The following CNGA3 variants were observed in gnomAD, a reference collection of about 807,000 sequenced individuals.
CNGA3 encodes the protein cyclic nucleotide gated channel subunit alpha 3, also known as cyclic nucleotide-gated channel alpha-3.
In CNGA3, 42 loss-of-function variants were observed where a neutral mutation model predicts 46.6. The ratio of observed to expected loss-of-function variants is 0.90; its 90% confidence interval spans 0.70 to 1.17. CNGA3 has a LOEUF of 1.17. CNGA3 is among the 50% of genes most tolerant of loss of function. CNGA3 has a pLI of 0.00. For missense variants in CNGA3, 893 were observed against 890.7 expected (o/e 1.00, Z -0.03); for synonymous variants, 394 against 369.4 (o/e 1.07, Z -0.76).
intron 1 of CNGA3, among the ~76,000 whole-genome samples, chr2:98,363,288 T>C (rs1198459563): frequency 6.6e-6 from 1 of 152,258 alleles, no homozygotes; most frequent in East Asian, 1.9e-4. Flanking sequence ...TCCATGAGCA[T>C]GGAATGCTTT....
At position 98,383,437 on chromosome 2, in the gene CNGA3, G is replaced by A; in HGVS notation, c.445G>A (p.Glu149Lys). Residue 149 changes from glutamate (E) to lysine (K), a missense_variant, in exon 5 of 8, where the codon GAG (glutamate) becomes AAG (lysine). Physicochemically the swap from Glu to Lys is moderately conservative, Grantham distance 56. Coordinates refer to ENST00000272602, the MANE Select transcript of CNGA3 (RefSeq NM_001298.3). ...CACTAACACCAGCAACAACACGGAGGAGGAGTAAGTACCCACACACCCAGC... is the reference window on the plus strand; with the variant it reads ...CACTAACACCAGCAACAACACGGAGAAGGAGTAAGTACCCACACACCCAGC... ...CNTNTSNNTE[E>K]EKKTKKKDAI... 6.2e-6 allele frequency: 10 copies of A among 1,614,132 alleles called. No individual in the cohort carries two copies. Among genetic ancestry groups the A allele is most frequent in the Non-Finnish European group, 8.5e-6 (10 of 1,180,030 alleles).
chr2:98,378,143 T>C (rs1233528818), intron 3 of CNGA3: 2 of 1,550,690 alleles, frequency 1.3e-6, no homozygotes, highest in Middle Eastern at 1.7e-4. Flanking sequence ...GTGGACACAG[T>C]GGTGTGCTGA....
intron 1 of CNGA3, among the ~76,000 whole-genome samples, chr2:98,366,261 G>A (rs1005460900): frequency 5.9e-5 from 9 of 152,174 alleles, no homozygotes; most frequent in Admixed American, 5.2e-4. Flanking sequence ...AAAGATGGCT[G>A]CCTGCTCCTT....
At chr2:98,357,039 T>G (rs1461735688) in intron 1 of CNGA3, among the ~76,000 whole-genome samples, 1 of 152,248 alleles carries the variant, frequency 6.6e-6, no homozygotes. Flanking sequence ...AGTGTCGTCA[T>G]GATGATTCCT....
chr2:98,380,087 GGAGA>G, intron 3 of CNGA3, 84 bp from the exon 4 acceptor site: 1 of 1,446,128 alleles, frequency 6.9e-7, no homozygotes, highest in Non-Finnish European at 9.6e-7. Context: ...AGAGAGGGAG[GGAGA>G]AAGAGAGAGA....
At chr2:98,353,465 A>G (rs1179786248) in intron 1 of CNGA3, among the ~76,000 whole-genome samples, 1 of 152,206 alleles carries the variant, frequency 6.6e-6, no homozygotes, top group East Asian at 1.9e-4. Flanking sequence ...GAATGGAAGG[A>G]CCTTTTATAG....
At chr2:98,358,769 GTT>G (rs1691950099) in intron 1 of CNGA3, among the ~76,000 whole-genome samples, 1 of 114,104 alleles carries the variant, frequency 8.8e-6, no homozygotes, top group Non-Finnish European at 2.3e-5. Context: ...GATCTTCTGA[GTT>G]ATCTTAAACT....
At chr2:98,358,256 T>G (rs1264819192) in intron 1 of CNGA3, among the ~76,000 whole-genome samples, 1 of 152,264 alleles carries the variant, frequency 6.6e-6, no homozygotes, top group African/African-American at 2.4e-5. Flanking sequence ...TTATTCGGCC[T>G]TTCCTATAGG....
intron 1 of CNGA3, among the ~76,000 whole-genome samples, chr2:98,353,266 A>G (rs1691808198): frequency 7.0e-6 from 1 of 142,548 alleles, no homozygotes; most frequent in Non-Finnish European, 1.6e-5. Context: ...TTCCATGGAG[A>G]ACCCTAACAC....
intron 2 of CNGA3, among the ~76,000 whole-genome samples, chr2:98,372,871 G>A (rs2104183529): frequency 6.6e-6 from 1 of 152,202 alleles, no homozygotes; most frequent in South Asian, 2.1e-4. Flanking sequence ...GTTTCAGCCT[G>A]ACCACCAGCC....
intron 4 of CNGA3, among the ~76,000 whole-genome samples, chr2:98,380,771 G>T (rs1240882782): frequency 6.6e-6 from 1 of 152,184 alleles, no homozygotes; most frequent in African/African-American, 2.4e-5. Flanking sequence ...GGAGCCTTGG[G>T]GGGGTGTCTA....
intron 6 of CNGA3, among the ~76,000 whole-genome samples, chr2:98,390,849 C>T (rs1692768590): frequency 6.6e-6 from 1 of 152,182 alleles, no homozygotes; most frequent in Admixed American, 6.5e-5. Flanking sequence ...TAGGGGACTT[C>T]CCAAGCAAGT....
chr2:98,351,761 C>G (rs1691775329), intron 1 of CNGA3, among the ~76,000 whole-genome samples: 2 of 152,018 alleles, frequency 1.3e-5, no homozygotes, highest in Non-Finnish European at 2.9e-5. Flanking sequence ...GGCATTTCTC[C>G]CCTTTATTAT....
rs12463616 is a variant in CNGA3 at position 98,360,316 on chromosome 2, A to G, written c.-37-9623A>G. On this transcript the variant is annotated intron_variant, in intron 1 of 7. Transcript: ENST00000272602. ...ATGGGAGGACAGAGGTACTGCCTCC[A>G]TGCAATGGCAGTGGGACCAGAGTTT... 1.3e-5 allele frequency among the ~76,000 whole-genome samples: 2 copies of G among 152,124 alleles called. 1 individual carries two copies. Among genetic ancestry groups the G allele is most frequent in the Middle Eastern group, 6.3e-3 (2 of 316 alleles).
intron 5 of CNGA3, among the ~76,000 whole-genome samples, chr2:98,384,523 A>C (rs1448406066): frequency 6.6e-6 from 1 of 152,176 alleles, no homozygotes; most frequent in Non-Finnish European, 1.5e-5. Flanking sequence ...TTTCTCCATG[A>C]AGGAAGCATG....
intron 1 of CNGA3, among the ~76,000 whole-genome samples, chr2:98,362,260 AC>A: frequency 7.2e-6 from 1 of 137,942 alleles, no homozygotes; most frequent in African/African-American, 2.8e-5. Flanking sequence ...GCTCACTGCA[AC>A]CTCTGCCTCC....
chr2:98,371,163 C>G (rs549996780), intron 2 of CNGA3, among the ~76,000 whole-genome samples: 2 of 152,286 alleles, frequency 1.3e-5, no homozygotes, highest in African/African-American at 4.8e-5. Context: ...TGAGTTGAAG[C>G]ATGAGCAACT....
intron 1 of CNGA3, among the ~76,000 whole-genome samples, chr2:98,366,388 G>C (rs941735743): frequency 1.3e-5 from 2 of 152,256 alleles, no homozygotes; most frequent in Non-Finnish European, 2.9e-5. Context: ...CACAGGATCA[G>C]GGACCCACTT....
chr2:98,367,185 C>CTTTTTTTTTT (rs558997785), intron 1 of CNGA3, among the ~76,000 whole-genome samples: 15 of 95,200 alleles, frequency 1.6e-4, no homozygotes, highest in South Asian at 3.2e-4. Context: ...TCTTTTTTTT[C>CTTTTTTTTTT]TTTTTTTTTT....
Sources: gnomAD v4.1 joint callset for allele counts (sites outside exome capture counted in the v4.1 genomes callset) on GRCh38, gnomAD v4.1.1 for gene constraint, MANE v1.5 for transcripts, NCBI Gene and HGNC (gene_info 2026-07-23, HGNC 2026-07-21) for gene names.